The following SLC44A5 variants were observed in gnomAD, a reference collection of about 807,000 sequenced individuals.
SLC44A5 encodes solute carrier family 44 member 5.
Under a neutral mutation model 101.8 loss-of-function variants are expected in SLC44A5, and 57 were observed. The observed-to-expected ratio is 0.56, with a 90% CI of 0.45 to 0.70. The LOEUF is 0.70. Among genes scored for constraint, SLC44A5 ranks in the 30% least tolerant of loss-of-function variants. The probability of loss-of-function intolerance (pLI) is 0.00; values close to 1 mark genes in which losing one functional copy is unlikely to be tolerated. For missense variants in SLC44A5, 737 were observed against 853.1 expected, an observed-to-expected ratio of 0.86 and a Z score of 1.70; for synonymous variants, 281 against 290.9, an observed-to-expected ratio of 0.97 and a Z score of 0.35.
intron 1 of SLC44A5, among the ~76,000 whole-genome samples, chr1:75,601,622 G>A (rs1001072123): frequency 1.2e-4 from 19 of 152,230 alleles, no homozygotes; most frequent in Middle Eastern, 3.4e-3. Context: ...GCACAAATCA[G>A]CAAAAGCACT....
chr1:75,685,563 C>A, the SLC44A5 span, among the ~76,000 whole-genome samples: 11 of 152,190 alleles, frequency 7.2e-5, no homozygotes, highest in Non-Finnish European at 1.3e-4. Context: ...CCACCTCAGC[C>A]TGGACTTCAT....
chr1:75,431,601 T>C (rs545424280), intron 2 of SLC44A5, among the ~76,000 whole-genome samples: 3 of 152,342 alleles, frequency 2.0e-5, no homozygotes, highest in African/African-American at 7.2e-5. Flanking sequence ...TTTAATAGTC[T>C]AGTGGCGAGG....
At chr1:75,366,115 C>T (rs1045516217) in intron 3 of SLC44A5, among the ~76,000 whole-genome samples, 4 of 152,078 alleles carry the variant, frequency 2.6e-5, no homozygotes, top group Admixed American at 2.6e-4. Flanking sequence ...CTGAATTTGC[C>T]TTTACCAGTT....
chr1:75,479,996 A>T (rs867920999), intron 2 of SLC44A5, among the ~76,000 whole-genome samples: 1 of 152,236 alleles, frequency 6.6e-6, no homozygotes, highest in Non-Finnish European at 1.5e-5. Flanking sequence ...TGATGCAAAA[A>T]TCCTCAATAA....
the SLC44A5 span, among the ~76,000 whole-genome samples, chr1:75,669,279 TTCCTG>T: frequency 6.8e-6 from 1 of 147,554 alleles, no homozygotes; most frequent in African/African-American, 2.7e-5. Flanking sequence ...CCCAGTCCCA[TTCCTG>T]AATTCCAAGC....
intron 2 of SLC44A5, among the ~76,000 whole-genome samples, chr1:75,477,508 A>G (rs1417609862): frequency 6.6e-6 from 1 of 152,164 alleles, no homozygotes; most frequent in Non-Finnish European, 1.5e-5. Flanking sequence ...CTTTGAAAAA[A>G]ATTTAGATGA....
the SLC44A5 span, among the ~76,000 whole-genome samples, chr1:75,651,563 G>T: frequency 1.3e-5 from 2 of 151,938 alleles, no homozygotes; most frequent in Non-Finnish European, 2.9e-5. Context: ...TGGGCGTGGT[G>T]GTGGGTGTCT....
intron 2 of SLC44A5, among the ~76,000 whole-genome samples, chr1:75,418,299 G>C (rs1305218102): frequency 6.6e-6 from 1 of 152,166 alleles, no homozygotes; most frequent in Non-Finnish European, 1.5e-5. Flanking sequence ...GTACAAAATA[G>C]ATACAATTTT....
intron 3 of SLC44A5, among the ~76,000 whole-genome samples, chr1:75,364,380 C>G (rs1322200126): frequency 6.6e-6 from 1 of 152,048 alleles, no homozygotes; most frequent in Admixed American, 6.6e-5. Flanking sequence ...AGAGCAAGAG[C>G]AAGAGAGAGT....
chr1:75,339,518 C>T lies in SLC44A5; in HGVS notation c.101+64G>A, dbSNP rs1009066940. On this transcript the variant is annotated intron_variant, in intron 4 of 23. Transcript: ENST00000370859. ...CCACTGACTGGAAAACAGTACCTCC[C>T]CCATCCCCCAAAGCTTTCTGTGTAT... The T allele has an allele frequency of 7.5e-6, 10 of 1,331,706 alleles. No individual in the cohort carries two copies. The African/African-American group carries it at 1.0e-4, about 14-fold the overall frequency. The allele number at this position is 1,331,706 out of a possible 1,614,324, so 82.5% of individuals were successfully genotyped here.
intron 2 of SLC44A5, among the ~76,000 whole-genome samples, chr1:75,537,033 A>AAAAAAAAAAAATATATAT (rs35829590): frequency 4.6e-5 from 2 of 43,044 alleles, no homozygotes; most frequent in African/African-American, 1.1e-4. Context: ...AAAAAAAAAA[A>AAAAAAAAAAAATATATAT]ATATATATCT....
At chr1:75,364,768 C>A (rs1431591705) in intron 3 of SLC44A5, among the ~76,000 whole-genome samples, 3 of 152,056 alleles carry the variant, frequency 2.0e-5, no homozygotes, top group Non-Finnish European at 2.9e-5. Flanking sequence ...CTTCTTCATT[C>A]TTTTTTATTC....
intron 2 of SLC44A5, among the ~76,000 whole-genome samples, chr1:75,418,618 G>C (rs571343531): frequency 6.6e-6 from 1 of 152,222 alleles, no homozygotes; most frequent in African/African-American, 2.4e-5. Flanking sequence ...CAGTATTACT[G>C]GAGGGTTTGA....
chr1:75,302,721 C>A (rs1284815958), intron 4 of SLC44A5, among the ~76,000 whole-genome samples: 1 of 152,086 alleles, frequency 6.6e-6, no homozygotes. Flanking sequence ...GCTTTGGAGC[C>A]ATTATAAAGT....
chr1:75,297,431 C>G (rs961427530), intron 5 of SLC44A5, among the ~76,000 whole-genome samples: 4 of 152,084 alleles, frequency 2.6e-5, no homozygotes, highest in African/African-American at 9.7e-5. Flanking sequence ...ACTACAGGAG[C>G]ACACCATGAC....
rs530533587 is a variant in SLC44A5 at position 75,224,604 on chromosome 1, T to A, written c.986-2144A>T. Among the ~76,000 whole-genome samples the A allele has an allele frequency of 7.9e-4, 120 of 152,236 alleles. 1 individual carries two copies. The South Asian group carries it at 9.5e-3, about 12-fold the overall frequency. ...TAAATTTTAAATTTTTTGTTTCTAA[T>A]TTTTTAGATAAAATAGAGATAGGGT... On this transcript the variant is annotated intron_variant, in intron 13 of 23. Transcript: ENST00000370859.
rs201377222 is a variant in SLC44A5 at position 75,496,599 on chromosome 1, G to GACA, written c.13+44833_13+44835dup. Among the ~76,000 whole-genome samples the GACA allele has an allele frequency of 5.3e-3, 755 of 142,154 alleles. 6 individuals are homozygous for GACA. The highest frequency in any genetic ancestry group is 0.019 in the African/African-American group (708 of 37,946). 93.3% of individuals were successfully genotyped at this position (142,154 alleles called of 152,430 possible). On this transcript the variant is annotated intron_variant, in intron 2 of 23. Coordinates refer to ENST00000370859, the MANE Select transcript of SLC44A5 (RefSeq NM_001130058.2). ...GACATCACAAGCACACAAGGAAACA[G>GACA]ACAACAACAACAAAAAAAAAAACAA...
At chr1:75,624,287 T>C in the SLC44A5 span, among the ~76,000 whole-genome samples, 2 of 152,168 alleles carry the variant, frequency 1.3e-5, no homozygotes, top group Non-Finnish European at 2.9e-5. Context: ...GAATATGAGC[T>C]AATAAATGTA....
At chr1:75,422,317 A>G (rs1664057707) in intron 2 of SLC44A5, among the ~76,000 whole-genome samples, 2 of 152,228 alleles carry the variant, frequency 1.3e-5, no homozygotes, top group South Asian at 4.1e-4. Flanking sequence ...CTGCAAGATC[A>G]TAGGAGGCCG....
Sources: allele counts gnomAD v4.1 joint callset (sites outside exome capture counted in the v4.1 genomes callset), GRCh38; gene constraint gnomAD v4.1.1; transcripts MANE v1.5; gene names NCBI Gene and HGNC (gene_info 2026-07-23, HGNC 2026-07-21).